CNTN6: variants seen among roughly 807,000 people sequenced by gnomAD.
The protein encoded by CNTN6 is contactin 6, also known as contactin-6.
In CNTN6, 137 loss-of-function variants were observed where a neutral mutation model predicts 122.8. The observed-to-expected ratio is 1.12, with a 90% CI of 0.97 to 1.29. The LOEUF is 1.29. CNTN6 is among the 50% of genes most tolerant of loss of function. CNTN6 has a pLI of 0.00. For missense variants in CNTN6, 1,634 were observed against 1,223.4 expected (o/e 1.34, Z -5.01); for synonymous variants, 570 against 426.0 (o/e 1.34, Z -4.16).
chr3:1,283,389 G>T (rs944604466), intron 5 of CNTN6, among the ~76,000 whole-genome samples: 3 of 152,128 alleles, frequency 2.0e-5, no homozygotes, highest in Admixed American at 2.0e-4. Flanking sequence ...GTGAGCTTTT[G>T]TTAAATTTCA....
At chr3:1,279,024 T>C (rs932507424) in intron 5 of CNTN6, among the ~76,000 whole-genome samples, 1 of 152,226 alleles carries the variant, frequency 6.6e-6, no homozygotes, top group Non-Finnish European at 1.5e-5. Context: ...TTGGGCTCTA[T>C]GGAGAAGCAA....
chr3:1,107,689 T>C (rs2091289293), intron 1 of CNTN6, among the ~76,000 whole-genome samples: 1 of 152,060 alleles, frequency 6.6e-6, no homozygotes, highest in Admixed American at 6.6e-5. Context: ...GTTCCTCTCC[T>C]TTCAATTGCC....
intron 1 of CNTN6, among the ~76,000 whole-genome samples, chr3:1,103,308 A>G (rs914251230): frequency 1.3e-5 from 2 of 152,276 alleles, no homozygotes; most frequent in Admixed American, 6.5e-5. Flanking sequence ...ACAGCCCTAT[A>G]TATAAATTTA....
At chr3:1,349,082 A>G (rs1705215756) in intron 11 of CNTN6, among the ~76,000 whole-genome samples, 1 of 152,008 alleles carries the variant, frequency 6.6e-6, no homozygotes, top group African/African-American at 2.4e-5. Context: ...AGGAAAAAAT[A>G]TCTTAACATT....
intron 4 of CNTN6, among the ~76,000 whole-genome samples, chr3:1,277,420 C>T (rs1198463067): frequency 2.3e-5 from 3 of 131,358 alleles, no homozygotes; most frequent in Non-Finnish European, 4.7e-5. Flanking sequence ...AGTACAGTGG[C>T]GCAATCTCGG....
intron 4 of CNTN6, among the ~76,000 whole-genome samples, chr3:1,249,009 G>C (rs946364360): frequency 2.0e-5 from 3 of 152,200 alleles, no homozygotes; most frequent in Non-Finnish European, 4.4e-5. Flanking sequence ...TTCTGATTCA[G>C]TAGGTCTAAA....
chr3:1,221,319 C>A (rs1445171315), intron 3 of CNTN6, among the ~76,000 whole-genome samples: 1 of 152,166 alleles, frequency 6.6e-6, no homozygotes, highest in Non-Finnish European at 1.5e-5. Context: ...GCTCATTTTG[C>A]ATTTCCCACC....
chr3:1,263,007 T>A (rs1478295749), intron 4 of CNTN6, among the ~76,000 whole-genome samples: 2 of 152,140 alleles, frequency 1.3e-5, no homozygotes, highest in East Asian at 3.8e-4. Context: ...AGTTATAAGT[T>A]ATTTAGGGCC....
intron 1 of CNTN6, among the ~76,000 whole-genome samples, chr3:1,138,575 C>T (rs1209256882): frequency 2.0e-5 from 3 of 151,970 alleles, no homozygotes; most frequent in African/African-American, 7.2e-5. Context: ...GAAACATTTT[C>T]TGTAGTGTGA....
intron 4 of CNTN6, among the ~76,000 whole-genome samples, chr3:1,265,529 G>C (rs540521976): frequency 6.6e-6 from 1 of 152,286 alleles, no homozygotes; most frequent in Admixed American, 6.5e-5. Context: ...CATGTCTATA[G>C]ATTTTTGTTT....
intron 4 of CNTN6, among the ~76,000 whole-genome samples, chr3:1,246,332 C>A (rs1007911826): frequency 1.3e-5 from 2 of 152,056 alleles, no homozygotes; most frequent in African/African-American, 4.8e-5. Context: ...GGCTTATTAG[C>A]CAACTATGTT....
chr3:1,172,683 G>T (rs2093379794), intron 2 of CNTN6, among the ~76,000 whole-genome samples: 1 of 151,002 alleles, frequency 6.6e-6, no homozygotes, highest in Non-Finnish European at 1.5e-5. Flanking sequence ...CCATAGTTTT[G>T]GAATGTCAGT....
In CNTN6 at chr3:1,377,091, A is replaced by G. The variant is rs1472916947; in HGVS notation, c.2166+16A>G. On this transcript the variant is annotated intron_variant, in intron 17 of 22. Coordinates refer to ENST00000446702, the MANE Select transcript of CNTN6 (RefSeq NM_001289080.2). ...TACGTGGGAGGTAATTTTCTGTCCA[A>G]CTGAGTTATTTTGAAGAAAAGAGAT... 1 of 1,565,416 alleles carries G rather than the reference A, an allele frequency of 6.4e-7. No homozygotes were observed. Among genetic ancestry groups the G allele is most frequent in the African/African-American group, 1.4e-5 (1 of 73,582 alleles).
At chr3:1,337,709 A>G (rs1703269417) in intron 11 of CNTN6, among the ~76,000 whole-genome samples, 1 of 152,082 alleles carries the variant, frequency 6.6e-6, no homozygotes, top group Non-Finnish European at 1.5e-5. Context: ...GCCTCTTTGT[A>G]ATAAAATTTT....
intron 5 of CNTN6, among the ~76,000 whole-genome samples, chr3:1,288,183 C>A (rs1694680993): frequency 6.6e-6 from 1 of 152,148 alleles, no homozygotes; most frequent in Non-Finnish European, 1.5e-5. Context: ...ACCCATGAGA[C>A]CTTTATTTAA....
chr3:1,374,523 C>G (rs555891982), intron 16 of CNTN6, among the ~76,000 whole-genome samples: 10 of 152,138 alleles, frequency 6.6e-5, no homozygotes, highest in Middle Eastern at 3.4e-3. Flanking sequence ...AAATTTTTTT[C>G]CATGCAAATG....
intron 4 of CNTN6, among the ~76,000 whole-genome samples, chr3:1,257,483 G>A (rs1329716199): frequency 4.6e-5 from 7 of 151,936 alleles, no homozygotes; most frequent in African/African-American, 1.7e-4. Flanking sequence ...TTCCTTCGAG[G>A]CCTTCGATTC....
At chr3:1,197,367 T>C (rs1039681583) in intron 2 of CNTN6, among the ~76,000 whole-genome samples, 11 of 152,288 alleles carry the variant, frequency 7.2e-5, no homozygotes, top group South Asian at 2.1e-4. Flanking sequence ...GTGGCAGCAA[T>C]TGTAAGCACA....
chr3:1,179,307 G>C (rs969852660), intron 2 of CNTN6, among the ~76,000 whole-genome samples: 2 of 152,172 alleles, frequency 1.3e-5, no homozygotes, highest in Non-Finnish European at 2.9e-5. Flanking sequence ...ATGAGATTTG[G>C]AGATGACAAA....
Sources: allele counts gnomAD v4.1 joint callset (sites outside exome capture counted in the v4.1 genomes callset), GRCh38; gene constraint gnomAD v4.1.1; transcripts MANE v1.5; gene names NCBI Gene and HGNC (gene_info 2026-07-23, HGNC 2026-07-21).